The following SPTBN4 variants were observed in gnomAD, a reference collection of about 807,000 sequenced individuals.
SPTBN4 encodes spectrin beta chain, non-erythrocytic 4.
A neutral mutation model predicts 277.8 loss-of-function variants in SPTBN4; 96 were observed. That is an observed-to-expected ratio of 0.35 (90% CI 0.29 to 0.41). The LOEUF (loss-of-function observed/expected upper bound fraction) is 0.41. Among genes scored for constraint, SPTBN4 ranks in the 10% least tolerant of loss-of-function variants. SPTBN4 has a pLI of 1.00. For synonymous variants in SPTBN4, 1,481 were observed against 1,580.3 expected, an observed-to-expected ratio of 0.94 and a Z score of 1.49; for missense variants, 3,006 against 3,595.7, an observed-to-expected ratio of 0.84 and a Z score of 4.19.
At chr19:40,479,586 G>GCTT (rs890644596) in intron 2 of SPTBN4, among the ~76,000 whole-genome samples, 35 of 150,422 alleles carry the variant, frequency 2.3e-4, no homozygotes, top group African/African-American at 7.1e-4. Flanking sequence ...GGAAGCCACT[G>GCTT]CTTCTGACCC....
In SPTBN4 at chr19:40,487,779, C is replaced by T; in HGVS notation, c.252C>T (p.Asp84=). Residue 84 remains aspartate, a synonymous_variant, in exon 3 of 36, where the codon GAC becomes GAT. Coordinates refer to ENST00000598249, the MANE Select transcript of SPTBN4 (RefSeq NM_020971.3). ...HLARVGCHIG[D]LYVDLRDGFV... ...CCCGCGTGGGCTGCCACATCGGGGA[C>T]CTCTATGTGGACCTCCGGGACGGCT... 2 of 1,613,218 alleles carry T rather than the reference C, an allele frequency of 1.2e-6. No homozygotes were observed. The highest frequency in any genetic ancestry group is 1.7e-6 in the Non-Finnish European group (2 of 1,179,680).
At position 40,515,280 on chromosome 19, in the gene SPTBN4, C is replaced by A. The variant is rs180879055; in HGVS notation, c.2766-31C>A. 6 of 1,608,750 alleles carry A rather than the reference C, an allele frequency of 3.7e-6. No homozygotes were observed. Among genetic ancestry groups the A allele is most frequent in the Non-Finnish European group, 5.1e-6 (6 of 1,177,856 alleles). ...TCATAAAACCAAGGTCCGCAGGGTT[C>A]GGGTGTCTGAGCATCTCCATCCTCC... On this transcript the variant is annotated intron_variant, in intron 14 of 35. Transcript: ENST00000598249. The surrounding 1 kb of genome is among the most constrained non-coding windows in gnomAD (Gnocchi z 4.1).
intron 26 of SPTBN4, among the ~76,000 whole-genome samples, chr19:40,558,668 C>T (rs1359426250): frequency 6.9e-6 from 1 of 144,966 alleles, no homozygotes; most frequent in Non-Finnish European, 1.5e-5. Flanking sequence ...AGTGCAGTGG[C>T]GCGATCTCAG....
At chr19:40,545,741 C>G (rs1270033072) in intron 20 of SPTBN4, among the ~76,000 whole-genome samples, 1 of 151,822 alleles carries the variant, frequency 6.6e-6, no homozygotes, top group Non-Finnish European at 1.5e-5. Context: ...AACCCCATCT[C>G]TATTAAAAAT....
At chr19:40,544,196 G>C (rs1332448196) in intron 20 of SPTBN4, among the ~76,000 whole-genome samples, 1 of 148,866 alleles carries the variant, frequency 6.7e-6, no homozygotes, top group East Asian at 2.0e-4. Context: ...AAGCCGGAGC[G>C]CAATGGCGCG....
chr19:40,536,278 A>G (rs1375715808), intron 20 of SPTBN4, among the ~76,000 whole-genome samples: 1 of 150,772 alleles, frequency 6.6e-6, no homozygotes, highest in Non-Finnish European at 1.5e-5. Context: ...TGGTGGTGCA[A>G]TGTCTGCTCA....
At position 40,568,112 on chromosome 19, in the gene SPTBN4, G is replaced by A. The variant is rs751138885; in HGVS notation, c.6786G>A (p.Ala2262=). The change falls in exon 31 of 36, where the codon GCG becomes GCA. Residue 2262 remains alanine (A), a synonymous_variant. Transcript: ENST00000598249. ...CAGTCGATCAATCCGAGGAGGCTGC[G>A]CGGAGGCGGCGGCCGGAGCGGCAGG... ...QESVDQSEEA[A]RRRRPERQES... 11 of 1,570,248 alleles carry A rather than the reference G, an allele frequency of 7.0e-6. No homozygotes were observed. The highest frequency in any genetic ancestry group is 9.5e-6 in the Non-Finnish European group (11 of 1,158,028).
At chr19:40,479,614 A>T (rs1288177665) in intron 2 of SPTBN4, among the ~76,000 whole-genome samples, 3 of 149,152 alleles carry the variant, frequency 2.0e-5, no homozygotes, top group Admixed American at 6.7e-5. Flanking sequence ...ATAGTTTTTA[A>T]TGTGAATCTT....
chr19:40,505,128 C>T (rs887163419), intron 12 of SPTBN4, among the ~76,000 whole-genome samples: 21 of 145,492 alleles, frequency 1.4e-4, no homozygotes, highest in South Asian at 6.6e-4. Flanking sequence ...CTCTCACCTG[C>T]GGTACCAGCA....
chr19:40,541,373 T>TCCC (rs929911164), intron 20 of SPTBN4, among the ~76,000 whole-genome samples: 24 of 152,224 alleles, frequency 1.6e-4, no homozygotes, highest in African/African-American at 5.5e-4. Flanking sequence ...TGGGCCCTTT[T>TCCC]CCCAGCAGAG....
In SPTBN4 at chr19:40,516,657, C is replaced by G. The variant is rs567223337; in HGVS notation, c.2903+1209C>G. ...TGACCAATATGGTGAAACCCCATCT[C>G]TACTAAAAATACAAAAATTATCCGG... On this transcript the variant is annotated intron_variant, in intron 15 of 35. Transcript: ENST00000598249. Among the ~76,000 whole-genome samples the G allele has an allele frequency of 3.3e-5, 5 of 152,186 alleles. No individual in the cohort carries two copies. The South Asian group carries it at 1.0e-3, about 32-fold the overall frequency.
intron 16 of SPTBN4, among the ~76,000 whole-genome samples, chr19:40,521,659 C>T (rs997485171): frequency 2.6e-5 from 4 of 152,192 alleles, no homozygotes; most frequent in East Asian, 1.9e-4. Flanking sequence ...TCCTGCTATG[C>T]GGCCCAGTTT....
intron 20 of SPTBN4, among the ~76,000 whole-genome samples, chr19:40,542,258 T>G (rs746735459): frequency 1.3e-5 from 2 of 152,298 alleles, no homozygotes; most frequent in Non-Finnish European, 2.9e-5. Flanking sequence ...TGTCTCTGCC[T>G]CCTTCCCGTG....
chr19:40,541,193 G>C (rs776542127), intron 20 of SPTBN4, among the ~76,000 whole-genome samples: 5 of 152,190 alleles, frequency 3.3e-5, no homozygotes, highest in Admixed American at 2.0e-4. Flanking sequence ...CCAGAGTACA[G>C]AGTTAGCTCT....
chr19:40,467,460 C>A (rs996215232), intron 1 of SPTBN4, among the ~76,000 whole-genome samples, 155 bp downstream of exon 1: 3 of 152,176 alleles, frequency 2.0e-5, no homozygotes, highest in South Asian at 2.1e-4. Flanking sequence ...ACAACCCCCC[C>A]ACCCGGTCTA....
rs953878808 is a variant in SPTBN4, at chr19:40,472,805, G to A, written c.169+15G>A. On this transcript the variant is annotated intron_variant, in intron 2 of 35. Coordinates refer to ENST00000598249, the MANE Select transcript of SPTBN4 (RefSeq NM_020971.3). ...GGCCTTGGCAGGTACCTGGAGGAGGGCTGGGGTGGGATGAGGAGGAGGGGG... is the reference window on the plus strand; with the variant it reads ...GGCCTTGGCAGGTACCTGGAGGAGGACTGGGGTGGGATGAGGAGGAGGGGG... 2 of 1,541,626 alleles carry A rather than the reference G, an allele frequency of 1.3e-6. No homozygotes were observed. Among genetic ancestry groups the A allele is most frequent in the African/African-American group, 1.4e-5 (1 of 73,280 alleles).
chr19:40,573,499 G>A (rs1238155029), intron 35 of SPTBN4, among the ~76,000 whole-genome samples: 1 of 152,192 alleles, frequency 6.6e-6, no homozygotes, highest in Non-Finnish European at 1.5e-5. Flanking sequence ...TTTTACCTAA[G>A]GGCACTGGAG....
intron 30 of SPTBN4, among the ~76,000 whole-genome samples, chr19:40,566,790 C>T (rs1037611253): frequency 1.5e-4 from 23 of 151,614 alleles, no homozygotes; most frequent in Admixed American, 1.4e-3. Context: ...CGTGGTGAAA[C>T]CCCATCTCTA....
At chr19:40,537,743 C>T (rs1414596302) in intron 20 of SPTBN4, among the ~76,000 whole-genome samples, 2 of 151,810 alleles carry the variant, frequency 1.3e-5, no homozygotes, top group East Asian at 1.9e-4. Context: ...GAGCCTCTGT[C>T]CTCCCTCTTA....
Sources: gnomAD v4.1 joint callset for allele counts (sites outside exome capture counted in the v4.1 genomes callset) on GRCh38, gnomAD v4.1.1 for gene constraint, Gnocchi (gnomAD v3.1) non-coding constraint, MANE v1.5 for transcripts, NCBI Gene and HGNC (gene_info 2026-07-23, HGNC 2026-07-21) for gene names.